VCAN: variants seen among roughly 807,000 people sequenced by gnomAD.
The protein encoded by VCAN is versican core protein.
A neutral mutation model predicts 245.5 loss-of-function variants in VCAN; 44 were observed. That is an observed-to-expected ratio of 0.18 (90% CI 0.14 to 0.23). VCAN has a LOEUF of 0.23. Ranked by LOEUF, VCAN falls within the 10% of genes least tolerant of loss-of-function variation. The probability of loss-of-function intolerance (pLI) is 1.00; values close to 1 mark genes in which losing one functional copy is unlikely to be tolerated. For missense variants in VCAN, 3,793 were observed against 4,057.9 expected (o/e 0.93, Z 1.77); for synonymous variants, 1,413 against 1,437.0 (o/e 0.98, Z 0.38).
rs1390930733 is a variant in VCAN at position 83,580,361 on chromosome 5, C to G, written c.10118C>G (p.Ala3373Gly). 1 of 1,613,924 alleles carries G rather than the reference C, an allele frequency of 6.2e-7. No homozygotes were observed. Among genetic ancestry groups the G allele is most frequent in the South Asian group, 1.1e-5 (1 of 91,064 alleles). ...SMKYFKNSSS[A>G]KDNSINTSKH... ...AAATACTTTAAAAATTCCTCATCAG[C>G]AAAGGACAATTCAATAAATACATCC... Residue 3373 changes from alanine (A) to glycine (G), a missense_variant, in exon 15 of 15, where the codon GCA becomes GGA. This residue lies in a region of VCAN where 205 missense variants were observed against 321.1 expected (regional missense o/e 0.64). Transcript: ENST00000265077.
chr5:83,540,449 C>A lies in VCAN; in HGVS notation c.7446C>A (p.Phe2482Leu). The change falls in exon 8 of 15, where the codon TTC (phenylalanine) becomes TTA (leucine). Residue 2482 changes from phenylalanine to leucine, a missense_variant. Coordinates refer to ENST00000265077, the MANE Select transcript of VCAN (RefSeq NM_004385.5). The part of the protein sequence containing the change: ...PSAKAVTADG[F>L]PTVSVMLPLH... ...CTAAAGCTGTTACTGCTGATGGATT[C>A]CCAACAGTTTCAGTGATGCTGCCTC... The A allele has an allele frequency of 6.2e-7, 1 of 1,613,916 alleles. No homozygotes were observed. Among genetic ancestry groups the A allele is most frequent in the Non-Finnish European group, 8.5e-7 (1 of 1,179,934 alleles).
chr5:83,538,746 C>T lies in VCAN; in HGVS notation c.5743C>T (p.Pro1915Ser). Residue 1915 changes from proline to serine, a missense_variant, in exon 8 of 15, where the codon CCA (proline) becomes TCA (serine). Around this residue, in one of 5 missense-constraint regions of VCAN, gnomAD observed 3,182 missense variants for 3,250.3 expected, o/e 0.98. Coordinates refer to ENST00000265077, the MANE Select transcript of VCAN (RefSeq NM_004385.5). ...AGTGATTTCAGAGCGATTAGGAGAA[C>T]CAAATTATGGGGCAGAAATAAGGGG... ...EIVISERLGE[P>S]NYGAEIRGFS... 2.5e-6 allele frequency: 4 copies of T among 1,613,998 alleles called. No individual in the cohort carries two copies. Among genetic ancestry groups the T allele is most frequent in the Non-Finnish European group, 3.4e-6 (4 of 1,179,954 alleles).
intron 5 of VCAN, among the ~76,000 whole-genome samples, chr5:83,506,414 C>A (rs1354736429): frequency 6.6e-6 from 1 of 152,146 alleles, no homozygotes; most frequent in Admixed American, 6.5e-5. Flanking sequence ...AGGGCAGGGG[C>A]AAAATGCCAC....
At chr5:83,550,320 C>G (rs1747410299) in intron 10 of VCAN, among the ~76,000 whole-genome samples, 1 of 152,080 alleles carries the variant, frequency 6.6e-6, no homozygotes, top group Non-Finnish European at 1.5e-5. Flanking sequence ...GTATTGTAAC[C>G]CATTGAAACA....
At chr5:83,504,858 G>A (rs1186968975) in intron 5 of VCAN, among the ~76,000 whole-genome samples, 2 of 152,146 alleles carry the variant, frequency 1.3e-5, no homozygotes, top group African/African-American at 4.8e-5. Context: ...TGGACTTACA[G>A]TTCCACGTGG....
At chr5:83,550,088 T>C (rs1747402266) in intron 10 of VCAN, among the ~76,000 whole-genome samples, 1 of 152,192 alleles carries the variant, frequency 6.6e-6, no homozygotes, top group Non-Finnish European at 1.5e-5. Flanking sequence ...AGAGAGGCAG[T>C]TCTGGCTGCA....
intron 1 of VCAN, among the ~76,000 whole-genome samples, chr5:83,480,073 A>G (rs1487863104): frequency 1.3e-5 from 2 of 152,182 alleles, no homozygotes; most frequent in African/African-American, 4.8e-5. Context: ...GATTTTTTGA[A>G]AGAAGTTAGA....
At position 83,521,925 on chromosome 5, in the gene VCAN, A is replaced by G; in HGVS notation, c.3619A>G (p.Ile1207Val). 6.2e-7 allele frequency: 1 copy of G among 1,614,178 alleles called. No individual in the cohort carries two copies. ...STIKVTVPSDITTAFSSVDRL... is the reference protein window; with the variant it reads ...STIKVTVPSDVTTAFSSVDRL... ...AATCAAAGTCACAGTTCCAAGTGAT[A>G]TTACCACTGCCTTCAGTTCAGTAGA... Residue 1207 changes from isoleucine to valine, a missense_variant, in exon 7 of 15, where the codon ATT becomes GTT. Coordinates refer to ENST00000265077, the MANE Select transcript of VCAN (RefSeq NM_004385.5).
Position 83,522,194 on chromosome 5 carries a change from G to A in VCAN, c.3888G>A (p.Val1296=), listed in dbSNP as rs770238762. The change falls in exon 7 of 15, where the codon GTG becomes GTA. Residue 1296 remains valine (V), a synonymous_variant. Transcript: ENST00000265077. The part of the protein sequence containing the change: ...PATQPTRPPT[V]EDKEAFGPQA... ...CACAGCCAACAAGACCACCCACTGTGGAAGACAAAGAGGCCTTTGGACCTC... is the reference window on the plus strand; with the variant it reads ...CACAGCCAACAAGACCACCCACTGTAGAAGACAAAGAGGCCTTTGGACCTC... 2.2e-5 allele frequency: 35 copies of A among 1,606,562 alleles called. No individual in the cohort carries two copies. Among genetic ancestry groups the A allele is most frequent in the Admixed American group, 1.5e-4 (9 of 59,974 alleles).
intron 12 of VCAN, among the ~76,000 whole-genome samples, chr5:83,561,740 C>T (rs1747873925): frequency 6.6e-6 from 1 of 152,132 alleles, no homozygotes; most frequent in Non-Finnish European, 1.5e-5. Flanking sequence ...CAGGAAGAGA[C>T]ACTTAAAAGG....
rs201922616 is a variant in VCAN, at chr5:83,539,305, A to G, written c.6302A>G (p.Gln2101Arg). ...GAGCCAGCCAAATTATGGTCTAGGC[A>G]AGAAGTCAACCCTGTAAGACAAGAA... is the stretch of plus-strand genomic sequence containing the variant. Reference protein sequence around the residue: ...TIEPAKLWSRQEVNPVRQEIE... With the variant: ...TIEPAKLWSRREVNPVRQEIE... The change falls in exon 8 of 15, where the codon CAA (glutamine) becomes CGA (arginine). Residue 2101 changes from glutamine (Q) to arginine (R), a missense_variant. Transcript: ENST00000265077. The G allele has an allele frequency of 6.2e-7, 1 of 1,614,082 alleles. No homozygotes were observed. Among genetic ancestry groups the G allele is most frequent in the East Asian group, 2.2e-5 (1 of 44,872 alleles).
At chr5:83,502,473 T>A (rs1745361609) in intron 5 of VCAN, among the ~76,000 whole-genome samples, 1 of 152,194 alleles carries the variant, frequency 6.6e-6, no homozygotes, top group Non-Finnish European at 1.5e-5. Context: ...CAATCTTTTG[T>A]ATATTTTGAA....
At chr5:83,473,062 T>C (rs996063640) in intron 1 of VCAN, among the ~76,000 whole-genome samples, 3 of 152,126 alleles carry the variant, frequency 2.0e-5, no homozygotes, top group Non-Finnish European at 4.4e-5. Flanking sequence ...TCCGCTCTAG[T>C]TGAGCAACTT....
chr5:83,566,916 C>T (rs2112491449), intron 12 of VCAN, among the ~76,000 whole-genome samples: 1 of 152,272 alleles, frequency 6.6e-6, no homozygotes, highest in South Asian at 2.1e-4. Context: ...TGAGTTTTCA[C>T]CCTGTTAGGA....
intron 8 of VCAN, among the ~76,000 whole-genome samples, chr5:83,542,924 A>T (rs1170562715): frequency 6.6e-6 from 1 of 152,158 alleles, no homozygotes; most frequent in Non-Finnish European, 1.5e-5. Context: ...CATGAATTTG[A>T]TACTGATTCA....
chr5:83,555,840 CTT>C (rs2079561607), intron 12 of VCAN, among the ~76,000 whole-genome samples: 1 of 152,130 alleles, frequency 6.6e-6, no homozygotes, highest in South Asian at 2.1e-4. Context: ...ACAGGTAATT[CTT>C]AAACGCAAAG....
Position 83,539,661 on chromosome 5 carries a change from C to T in VCAN, c.6658C>T (p.His2220Tyr), listed in dbSNP as rs1746884516. The T allele has an allele frequency of 6.2e-7, 1 of 1,613,856 alleles. No homozygotes were observed. The highest frequency in any genetic ancestry group is 8.5e-7 in the Non-Finnish European group (1 of 1,179,972). The change falls in exon 8 of 15, where the codon CAT (histidine) becomes TAT (tyrosine). Residue 2220 changes from histidine (H) to tyrosine (Y), a missense_variant. His to Tyr is a moderately conservative substitution (Grantham distance 83). Transcript: ENST00000265077. ...ALVTESIPAE[H>Y]VVTDSPIKKE... ...AGTAACTGAATCTATACCAGCTGAA[C>T]ATGTAGTCACAGATTCACCAATCAA...
chr5:83,529,937 T>C (rs1250398885), intron 7 of VCAN, among the ~76,000 whole-genome samples: 2 of 152,146 alleles, frequency 1.3e-5, no homozygotes, highest in African/African-American at 4.8e-5. Flanking sequence ...TCTAAATAGG[T>C]AAAAGCCAAA....
intron 7 of VCAN, among the ~76,000 whole-genome samples, chr5:83,524,956 A>G (rs1474989854): frequency 1.3e-5 from 2 of 152,042 alleles, no homozygotes; most frequent in African/African-American, 2.4e-5. Context: ...TATATACTGT[A>G]TATCCAAGTA....
Sources: gnomAD v4.1 joint callset for allele counts (sites outside exome capture counted in the v4.1 genomes callset) on GRCh38, gnomAD v4.1.1 for gene constraint, gnomAD v4.1.1 regional missense constraint, MANE v1.5 for transcripts, NCBI Gene and HGNC (gene_info 2026-07-23, HGNC 2026-07-21) for gene names.